Variants in SLC35F1 observed in about 807,000 individuals in gnomAD.
The protein encoded by SLC35F1 is solute carrier family 35 member F1, also known as chromosome 6 open reading frame 169.
A neutral mutation model predicts 48.7 loss-of-function variants in SLC35F1; 14 were observed. That is an observed-to-expected ratio of 0.29 (90% CI 0.19 to 0.45). The LOEUF is 0.45. Ranked by LOEUF, SLC35F1 falls within the 20% of genes least tolerant of loss-of-function variation. The pLI is 1.00. For synonymous variants in SLC35F1, 190 were observed against 202.2 expected (o/e 0.94, Z 0.51); for missense variants, 404 against 500.0 (o/e 0.81, Z 1.83).
At position 118,290,334 on chromosome 6, in the gene SLC35F1, A is replaced by G. The variant is rs1262429194; in HGVS notation, c.1002+4996A>G. ...CCAAACAAGAGCCCTGCACAGAAGC[A>G]GTACATGCAAAGCCCTGTTAATATC... On this transcript the variant is annotated intron_variant, in intron 7 of 7. Coordinates refer to ENST00000360388, the MANE Select transcript of SLC35F1 (RefSeq NM_001029858.4). 5.3e-5 allele frequency among the ~76,000 whole-genome samples: 8 copies of G among 152,266 alleles called. No individual in the cohort carries two copies. In the South Asian group the frequency reaches 1.7e-3, roughly 32 times the overall value.
intron 1 of SLC35F1, among the ~76,000 whole-genome samples, chr6:118,011,824 C>T (rs1182201338): frequency 6.6e-6 from 1 of 152,092 alleles, no homozygotes; most frequent in Non-Finnish European, 1.5e-5. Flanking sequence ...CAGAATTATC[C>T]AGCTCAAATT....
chr6:117,998,090 C>T, intron 1 of SLC35F1, among the ~76,000 whole-genome samples: 1 of 147,948 alleles, frequency 6.8e-6, no homozygotes, highest in Non-Finnish European at 1.5e-5. Flanking sequence ...ATCTACCAAG[C>T]AAATGGAAAA....
intron 1 of SLC35F1, among the ~76,000 whole-genome samples, chr6:117,950,993 C>T (rs1776356602): frequency 6.6e-6 from 1 of 152,044 alleles, no homozygotes; most frequent in African/African-American, 2.4e-5. Context: ...AAAATAAAAT[C>T]ACAGACATGT....
At chr6:117,957,577 G>C (rs1472019854) in intron 1 of SLC35F1, among the ~76,000 whole-genome samples, 1 of 152,194 alleles carries the variant, frequency 6.6e-6, no homozygotes, top group African/African-American at 2.4e-5. Context: ...AAAGTTGTGA[G>C]TCCTTGGTAC....
chr6:118,103,611 T>C lies in SLC35F1; in HGVS notation c.174-50834T>C, dbSNP rs534722590. 2.6e-5 allele frequency among the ~76,000 whole-genome samples: 4 copies of C among 152,300 alleles called. No homozygotes were observed. The South Asian group carries it at 8.3e-4, about 32-fold the overall frequency. On this transcript the variant is annotated intron_variant, in intron 1 of 7. Coordinates refer to ENST00000360388, the MANE Select transcript of SLC35F1 (RefSeq NM_001029858.4). Reference sequence around the variant, plus strand: ...GAAATGGTAGGAGGCTGCTACATGGTGCGGAATGAATCCAAGAGTGTGTTT... The same window carrying C: ...GAAATGGTAGGAGGCTGCTACATGGCGCGGAATGAATCCAAGAGTGTGTTT...
At chr6:118,066,105 G>A (rs1161182767) in intron 1 of SLC35F1, among the ~76,000 whole-genome samples, 1 of 151,950 alleles carries the variant, frequency 6.6e-6, no homozygotes, top group Non-Finnish European at 1.5e-5. Context: ...GCACCCTTTG[G>A]GATTTTTGCA....
chr6:118,176,467 T>A (rs570792566), intron 2 of SLC35F1, among the ~76,000 whole-genome samples: 6 of 152,238 alleles, frequency 3.9e-5, no homozygotes, highest in East Asian at 1.9e-4. Context: ...AGCACTGGGA[T>A]TAAAGGCATG....
At chr6:118,261,959 C>A (rs1013116541) in intron 3 of SLC35F1, among the ~76,000 whole-genome samples, 2 of 152,168 alleles carry the variant, frequency 1.3e-5, no homozygotes, top group African/African-American at 4.8e-5. Context: ...CTCCCTGCAT[C>A]CCAGACTTAG....
In SLC35F1 at chr6:117,907,698, A is replaced by C. The variant is rs1195862113; in HGVS notation, c.-29A>C. 7.1e-7 allele frequency: 1 copy of C among 1,414,114 alleles called. No individual in the cohort carries two copies. 87.6% of individuals were successfully genotyped at this position (1,414,114 alleles called of 1,614,324 possible). On this transcript the variant is annotated 5_prime_UTR_variant, in exon 1 of 8. An upstream open reading frame in the 5' UTR loses its in-frame stop. Transcript: ENST00000360388. ...ACACGATGCACCCGGCTGCGTTCTGATCGCCGCCGCGCCTCAGCCTCTGCC... is the reference window on the plus strand; with the variant it reads ...ACACGATGCACCCGGCTGCGTTCTGCTCGCCGCCGCGCCTCAGCCTCTGCC...
intron 7 of SLC35F1, among the ~76,000 whole-genome samples, chr6:118,293,833 A>G (rs769890241): frequency 2.0e-5 from 3 of 152,232 alleles, no homozygotes; most frequent in Non-Finnish European, 4.4e-5. Context: ...TCATGTGGAG[A>G]GAGAATAAAT....
chr6:118,026,716 G>A (rs1376949027), intron 1 of SLC35F1, among the ~76,000 whole-genome samples: 1 of 152,166 alleles, frequency 6.6e-6, no homozygotes, highest in Admixed American at 6.5e-5. Context: ...GAAGACGGTT[G>A]AGAACAAAAG....
At chr6:118,170,016 T>C (rs1426707773) in intron 2 of SLC35F1, among the ~76,000 whole-genome samples, 1 of 152,220 alleles carries the variant, frequency 6.6e-6, no homozygotes, top group Non-Finnish European at 1.5e-5. Flanking sequence ...CAGAGTGTCT[T>C]CTAAAACGCA....
intron 2 of SLC35F1, among the ~76,000 whole-genome samples, chr6:118,204,927 A>C (rs924802152): frequency 1.1e-4 from 17 of 152,228 alleles, no homozygotes; most frequent in African/African-American, 4.1e-4. Flanking sequence ...AAGAAGGTCC[A>C]AAGAGCAAGC....
intron 2 of SLC35F1, among the ~76,000 whole-genome samples, chr6:118,232,873 T>C (rs2114579777): frequency 6.6e-6 from 1 of 152,252 alleles, no homozygotes; most frequent in African/African-American, 2.4e-5. Context: ...CTAAAAGTCC[T>C]AGTTTTGATC....
chr6:118,212,958 A>C (rs1245365194), intron 2 of SLC35F1, among the ~76,000 whole-genome samples: 1 of 152,208 alleles, frequency 6.6e-6, no homozygotes, highest in Non-Finnish European at 1.5e-5. Context: ...TAACCTGAAT[A>C]TTGTCTATAA....
chr6:118,165,870 C>T (rs1774310415), intron 2 of SLC35F1, among the ~76,000 whole-genome samples: 1 of 152,158 alleles, frequency 6.6e-6, no homozygotes, highest in Admixed American at 6.5e-5. Context: ...GATGCATTAC[C>T]AGAGGGAAAA....
At chr6:117,964,191 A>T (rs1776531775) in intron 1 of SLC35F1, among the ~76,000 whole-genome samples, 1 of 152,160 alleles carries the variant, frequency 6.6e-6, no homozygotes, top group African/African-American at 2.4e-5. Flanking sequence ...TCCATAGTGT[A>T]TATGTACCAT....
rs182582116 is a variant in SLC35F1 at position 118,306,207 on chromosome 6, C to T, written c.1003-7821C>T. ...CAGCCTTAACTTTCAGTGCATGGAA[C>T]CTTTGTTCTGTCTTCCGGCAGAAGC... On this transcript the variant is annotated intron_variant, in intron 7 of 7. Coordinates refer to ENST00000360388, the MANE Select transcript of SLC35F1 (RefSeq NM_001029858.4). Among the ~76,000 whole-genome samples the T allele has an allele frequency of 1.1e-3, 141 of 126,220 alleles. 1 individual carries two copies. Among genetic ancestry groups the T allele is most frequent in the African/African-American group, 3.6e-3 (134 of 37,148 alleles). The allele number at this position is 126,220 out of a possible 152,430, so 82.8% of individuals were successfully genotyped here.
At chr6:118,041,612 A>C (rs1772222327) in intron 1 of SLC35F1, among the ~76,000 whole-genome samples, 1 of 152,186 alleles carries the variant, frequency 6.6e-6, no homozygotes, top group Non-Finnish European at 1.5e-5. Context: ...GGAATAAAGC[A>C]GGTTTTCTAA....
Sources: allele counts gnomAD v4.1 joint callset (sites outside exome capture counted in the v4.1 genomes callset), GRCh38; gene constraint gnomAD v4.1.1; transcripts MANE v1.5; gene names NCBI Gene and HGNC (gene_info 2026-07-23, HGNC 2026-07-21).